Variants in CDKL5 observed in about 807,000 individuals in gnomAD.
CDKL5 encodes cyclin-dependent kinase-like 5.
In CDKL5, 8 loss-of-function variants were observed where a neutral mutation model predicts 61.7. The ratio of observed to expected loss-of-function variants is 0.13; its 90% confidence interval spans 0.08 to 0.23. The LOEUF (loss-of-function observed/expected upper bound fraction) is 0.23. CDKL5 is among the 10% of genes least tolerant of loss of function. The pLI is 1.00. For synonymous variants in CDKL5, 275 were observed against 272.3 expected (o/e 1.01, Z -0.10); for missense variants, 440 against 734.5 (o/e 0.60, Z 4.63).
intron 1 of CDKL5, among the ~76,000 whole-genome samples, chrX:18,476,290 A>G (rs1457690181): frequency 9.0e-6 from 1 of 111,080 alleles, no homozygotes; most frequent in Non-Finnish European, 1.9e-5. Flanking sequence ...ATCTCATTGC[A>G]CTGCAACCTT....
intron 1 of CDKL5, among the ~76,000 whole-genome samples, chrX:18,445,101 G>C (rs1262531570): frequency 1.0e-5 from 1 of 96,068 alleles, no homozygotes; most frequent in African/African-American, 4.0e-5. Context: ...TTTTTGAGAC[G>C]GAGCCTTGCT....
At chrX:18,451,789 C>T (rs1262393798) in intron 1 of CDKL5, among the ~76,000 whole-genome samples, 1 of 111,727 alleles carries the variant, frequency 9.0e-6, no homozygotes, top group Non-Finnish European at 1.9e-5. Context: ...ATCCACTTGC[C>T]TCGGCCTCCC....
intron 1 of CDKL5, among the ~76,000 whole-genome samples, chrX:18,489,228 C>T (rs749386343): frequency 2.7e-5 from 3 of 111,217 alleles, no homozygotes; most frequent in East Asian, 5.7e-4. Flanking sequence ...AAGCAATTCT[C>T]GTGGTATTTT....
At chrX:18,497,087 G>T (rs1922202268) in intron 1 of CDKL5, among the ~76,000 whole-genome samples, 1 of 109,298 alleles carries the variant, frequency 9.1e-6, no homozygotes. Context: ...CTGCCTCCTG[G>T]GTTCAAGCAA....
At chrX:18,566,366 G>T (rs186350590) in intron 4 of CDKL5, among the ~76,000 whole-genome samples, 1 of 112,398 alleles carries the variant, frequency 8.9e-6, no homozygotes, top group African/African-American at 3.2e-5. Context: ...TGTTGCCCAG[G>T]CTGGTCTCAA....
At chrX:18,523,786 A>G (rs1166573286) in intron 3 of CDKL5, among the ~76,000 whole-genome samples, 2 of 112,073 alleles carry the variant, frequency 1.8e-5, no homozygotes, top group Non-Finnish European at 3.8e-5. Context: ...GGTTATTATG[A>G]ATAATGCTGC....
At chrX:18,605,121 A>G (rs907758301) in intron 12 of CDKL5, among the ~76,000 whole-genome samples, 1 of 110,132 alleles carries the variant, frequency 9.1e-6, no homozygotes, top group African/African-American at 3.3e-5. Flanking sequence ...TTTTTCTTAA[A>G]TGTTCTTTTC....
chrX:18,591,479 C>T (rs1313568167), intron 9 of CDKL5, among the ~76,000 whole-genome samples: 1 of 111,174 alleles, frequency 9.0e-6, no homozygotes, highest in Non-Finnish European at 1.9e-5. Context: ...CTTTGACCAC[C>T]ACCCCCAAAT....
chrX:18,590,137 T>A (rs753263303), intron 9 of CDKL5, among the ~76,000 whole-genome samples: 92 of 111,941 alleles, frequency 8.2e-4, no homozygotes, highest in African/African-American at 2.9e-3. Context: ...AGCTCTTTAG[T>A]TTAATTAGAT....
chrX:18,442,160 A>G lies in CDKL5; in HGVS notation c.-163+16465A>G, dbSNP rs2283722. The G allele has an allele frequency of 0.027, 2,974 of 110,730 alleles. 89 individuals carry two copies. Among genetic ancestry groups the G allele is most frequent in the East Asian group, 0.19 (650 of 3,441 alleles). The allele number at this position is 110,730 out of a possible 1,213,427, so 9.1% of individuals were successfully genotyped here. On this transcript the variant is annotated intron_variant, in intron 1 of 17. Coordinates refer to ENST00000623535, the MANE Select transcript of CDKL5 (RefSeq NM_001323289.2). The stretch of plus-strand genomic sequence containing the variant: ...AGCCTCTCAGGCTTAGCTGCTGCCC[A>G]CCCCCAGGTTTGCATCACAATGAGC...
chrX:18,518,388 A>ATTTTCTTTTTTTTTTTTT (rs1923112453), intron 3 of CDKL5, among the ~76,000 whole-genome samples: 1 of 21,162 alleles, frequency 4.7e-5, no homozygotes, highest in Non-Finnish European at 8.6e-5. Flanking sequence ...TTCTTTTCTT[A>ATTTTCTTTTTTTTTTTTT]TTTTTTTTTT....
At chrX:18,530,433 G>C (rs1169622341) in intron 3 of CDKL5, among the ~76,000 whole-genome samples, 1 of 107,351 alleles carries the variant, frequency 9.3e-6, no homozygotes, top group African/African-American at 3.4e-5. Context: ...GTGATTTTTT[G>C]CTCAGCCGTG....
At chrX:18,521,899 G>A (rs752094610) in intron 3 of CDKL5, among the ~76,000 whole-genome samples, 1 of 112,228 alleles carries the variant, frequency 8.9e-6, no homozygotes, top group African/African-American at 3.2e-5. Flanking sequence ...TCTGGGCTAT[G>A]TGCCTGTCTT....
intron 15 of CDKL5, among the ~76,000 whole-genome samples, chrX:18,617,470 A>G (rs765895892): frequency 8.9e-6 from 1 of 111,904 alleles, no homozygotes; most frequent in Non-Finnish European, 1.9e-5. Flanking sequence ...GAAATGACCA[A>G]CCACACCCTT....
In CDKL5 at chrX:18,631,322, T is replaced by A. The variant is rs1927230782; in HGVS notation, c.*2565T>A. 1.5e-5 allele frequency: 11 copies of A among 753,786 alleles called. No individual in the cohort carries two copies. The South Asian group carries it at 6.7e-4, about 46-fold the overall frequency. 62.1% of individuals were successfully genotyped at this position (753,786 alleles called of 1,213,427 possible). ...AACCAGTGTTTTCGAGGTAGCTCTTTAATCCTCTTCTCAGCTTTTGTCTGT... is the reference window on the plus strand; with the variant it reads ...AACCAGTGTTTTCGAGGTAGCTCTTAAATCCTCTTCTCAGCTTTTGTCTGT... On this transcript the variant is annotated 3_prime_UTR_variant, in exon 18 of 18. Coordinates refer to ENST00000623535, the MANE Select transcript of CDKL5 (RefSeq NM_001323289.2).
At chrX:18,449,571 A>G (rs1267695612) in intron 1 of CDKL5, among the ~76,000 whole-genome samples, 1 of 112,360 alleles carries the variant, frequency 8.9e-6, no homozygotes, top group Non-Finnish European at 1.9e-5. Flanking sequence ...CTTGTGAAAG[A>G]TGTAGAGGAA....
intron 2 of CDKL5, among the ~76,000 whole-genome samples, chrX:18,507,414 G>A: frequency 9.4e-6 from 1 of 106,460 alleles, no homozygotes; most frequent in East Asian, 2.9e-4. Flanking sequence ...TTTAAAAAGA[G>A]CCCCAGTGTT....
chrX:18,551,455 A>AG (rs1204824174), intron 3 of CDKL5, among the ~76,000 whole-genome samples: 2 of 109,020 alleles, frequency 1.8e-5, no homozygotes, highest in African/African-American at 3.3e-5. Context: ...TTATCAATTA[A>AG]GTGGTCCAAG....
intron 5 of CDKL5, 125 bp from the exon 6 acceptor site, chrX:18,579,719 TAGAA>T (rs1925412374): frequency 8.0e-6 from 5 of 626,792 alleles, no homozygotes; most frequent in Admixed American, 3.0e-5. Flanking sequence ...AAGTTGTAGA[TAGAA>T]AGCAAAACAA....
Sources: allele counts gnomAD v4.1 joint callset (sites outside exome capture counted in the v4.1 genomes callset), GRCh38; gene constraint gnomAD v4.1.1; transcripts MANE v1.5; gene names NCBI Gene and HGNC (gene_info 2026-07-23, HGNC 2026-07-21).